ZNF469: variants seen among roughly 807,000 people sequenced by gnomAD.
The protein encoded by ZNF469 is zinc finger protein 469.
A neutral mutation model predicts 1.0 loss-of-function variants in ZNF469; 1 was observed. The observed-to-expected ratio is 1.00, with a 90% CI of 0.35 to 4.73. The LOEUF is 4.73. Among genes scored for constraint, ZNF469 ranks in the 30% most tolerant of loss-of-function variants. The probability of loss-of-function intolerance (pLI) is 0.16; values close to 1 mark genes in which losing one functional copy is unlikely to be tolerated. For synonymous variants in ZNF469, 2,703 were observed against 2,363.4 expected (o/e 1.14, Z -4.17); for missense variants, 6,100 against 5,356.3 (o/e 1.14, Z -4.33).
the ZNF469 span, among the ~76,000 whole-genome samples, chr16:88,361,518 A>T: frequency 6.6e-6 from 1 of 151,918 alleles, no homozygotes; most frequent in African/African-American, 2.4e-5. Flanking sequence ...GCCCATTTGG[A>T]TATCTTCCTT....
chr16:88,176,707 G>C, the ZNF469 span, among the ~76,000 whole-genome samples: 1 of 152,226 alleles, frequency 6.6e-6, no homozygotes, highest in Non-Finnish European at 1.5e-5. Flanking sequence ...CGCTGCCTGT[G>C]GTGGGTCGGC....
At chr16:88,133,331 G>C in the ZNF469 span, among the ~76,000 whole-genome samples, 1 of 152,162 alleles carries the variant, frequency 6.6e-6, no homozygotes, top group Non-Finnish European at 1.5e-5. Flanking sequence ...TTGGCAGCTC[G>C]AGAACGTCTT....
the ZNF469 span, among the ~76,000 whole-genome samples, chr16:88,369,483 G>A: frequency 6.6e-6 from 1 of 152,212 alleles, no homozygotes; most frequent in Non-Finnish European, 1.5e-5. Flanking sequence ...CACATGAGGA[G>A]AATATGGGAA....
At chr16:88,104,432 C>T in the ZNF469 span, among the ~76,000 whole-genome samples, 4 of 152,044 alleles carry the variant, frequency 2.6e-5, no homozygotes, top group South Asian at 8.3e-4. Context: ...CCTTGCATTA[C>T]CCTGGACTGA....
At chr16:88,329,456 A>C in the ZNF469 span, among the ~76,000 whole-genome samples, 18 of 152,194 alleles carry the variant, frequency 1.2e-4, no homozygotes, top group Admixed American at 2.0e-4. Context: ...ACAGCCAAGC[A>C]GGGGCTGGGG....
the ZNF469 span, among the ~76,000 whole-genome samples, chr16:88,324,529 A>G: frequency 1.3e-5 from 2 of 152,200 alleles, no homozygotes; most frequent in African/African-American, 4.8e-5. Context: ...TTCACTCAGG[A>G]AAGAATTTGA....
Position 88,437,217 on chromosome 16 carries a change from C to G in ZNF469, c.9747C>G (p.Ala3249=). 1.9e-6 allele frequency: 3 copies of G among 1,549,320 alleles called. No homozygotes were observed. Among genetic ancestry groups the G allele is most frequent in the Non-Finnish European group, 2.6e-6 (3 of 1,146,456 alleles). The change falls in exon 3 of 3, where the codon GCC becomes GCG. Residue 3249 remains alanine (A), a synonymous_variant. Transcript: ENST00000565624. ...GCAAGCGCTCCGCCGGCAAGGCCGCCGGGAGCCCGGGAGACCCGTGGGGGC... is the reference window on the plus strand; with the variant it reads ...GCAAGCGCTCCGCCGGCAAGGCCGCGGGGAGCCCGGGAGACCCGTGGGGGC... ...HRGKRSAGKA[A]GSPGDPWGQE... is the part of the protein sequence containing the mutation.
At chr16:88,107,633 C>A in the ZNF469 span, among the ~76,000 whole-genome samples, 1 of 152,228 alleles carries the variant, frequency 6.6e-6, no homozygotes, top group Non-Finnish European at 1.5e-5. Flanking sequence ...CCCAGATGAT[C>A]CAGCTGGGCC....
chr16:88,300,595 G>A, the ZNF469 span, among the ~76,000 whole-genome samples: 5 of 152,064 alleles, frequency 3.3e-5, no homozygotes, highest in Non-Finnish European at 5.9e-5. Flanking sequence ...GAGCCTCAGA[G>A]GTTGGCACAC....
At chr16:88,177,633 G>C in the ZNF469 span, 55 of 152,312 alleles carry the variant, frequency 3.6e-4, no homozygotes, top group African/African-American at 1.3e-3. This position sits in a 1 kb window ranked among gnomAD's most constrained non-coding sequence, Gnocchi z 4.8. Context: ...CCAAGGCTTG[G>C]CTTGGCTTTT....
chr16:88,247,563 A>AAT, the ZNF469 span, among the ~76,000 whole-genome samples: 8 of 144,140 alleles, frequency 5.6e-5, no homozygotes, highest in Admixed American at 2.7e-4. Context: ...TGAGTGACTG[A>AAT]GTGAGTGACT....
At chr16:88,241,962 T>A in the ZNF469 span, among the ~76,000 whole-genome samples, 36 of 152,330 alleles carry the variant, frequency 2.4e-4, no homozygotes, top group African/African-American at 8.4e-4. The surrounding 1 kb of genome is among the most constrained non-coding windows in gnomAD (Gnocchi z 4.8). Context: ...TGTTTCCCGC[T>A]GCTGTGCAGA....
At chr16:88,193,126 GTGGTGA>G in the ZNF469 span, among the ~76,000 whole-genome samples, 1 of 5,440 alleles carries the variant, frequency 1.8e-4, no homozygotes, top group East Asian at 0.012. Flanking sequence ...GATGGTGGTG[GTGGTGA>G]TGGTGGTGAT....
the ZNF469 span, among the ~76,000 whole-genome samples, chr16:88,298,692 C>T: frequency 6.6e-6 from 1 of 152,106 alleles, no homozygotes; most frequent in African/African-American, 2.4e-5. Flanking sequence ...TCTGGAAGGT[C>T]ACACCTCCCA....
chr16:88,261,137 A>G, the ZNF469 span, among the ~76,000 whole-genome samples: 1 of 152,106 alleles, frequency 6.6e-6, no homozygotes, highest in Non-Finnish European at 1.5e-5. This position sits in a 1 kb window ranked among gnomAD's most constrained non-coding sequence, Gnocchi z 6.0. Flanking sequence ...GCAATCAGCG[A>G]TCTCACGCAT....
chr16:88,192,950 TGATGAG>T, the ZNF469 span, among the ~76,000 whole-genome samples: 2 of 151,780 alleles, frequency 1.3e-5, no homozygotes, highest in African/African-American at 4.8e-5. Context: ...ATGGTGATGA[TGATGAG>T]GATGATGGTG....
the ZNF469 span, among the ~76,000 whole-genome samples, chr16:88,200,502 C>T: frequency 1.4e-3 from 210 of 152,352 alleles, no homozygotes; most frequent in African/African-American, 4.1e-3. Context: ...ACGGTCTCTC[C>T]GCTCTCCCAG....
At chr16:88,311,071 A>G in the ZNF469 span, among the ~76,000 whole-genome samples, 1 of 152,160 alleles carries the variant, frequency 6.6e-6, no homozygotes, top group Non-Finnish European at 1.5e-5. Flanking sequence ...GTTTTTGAGG[A>G]TCTTGACAGT....
At chr16:88,113,867 G>A in the ZNF469 span, among the ~76,000 whole-genome samples, 42 of 152,202 alleles carry the variant, frequency 2.8e-4, no homozygotes, top group South Asian at 8.3e-4. Flanking sequence ...GGTCTAGTGC[G>A]TGGAGAAGCT....
Sources: gnomAD v4.1 joint callset for allele counts (sites outside exome capture counted in the v4.1 genomes callset) on GRCh38, gnomAD v4.1.1 for gene constraint, Gnocchi (gnomAD v3.1) non-coding constraint, MANE v1.5 for transcripts, NCBI Gene and HGNC (gene_info 2026-07-23, HGNC 2026-07-21) for gene names.